PDE3A: variants seen among roughly 807,000 people sequenced by gnomAD.
PDE3A encodes phosphodiesterase 3A.
Under a neutral mutation model 98.3 loss-of-function variants are expected in PDE3A, and 43 were observed. That is an observed-to-expected ratio of 0.44 (90% CI 0.34 to 0.56). PDE3A has a LOEUF of 0.56. PDE3A is among the 20% of genes least tolerant of loss of function. The probability of loss-of-function intolerance (pLI) is 0.01; values close to 1 mark genes in which losing one functional copy is unlikely to be tolerated. For missense variants in PDE3A, 1,427 were observed against 1,440.7 expected (o/e 0.99, Z 0.15); for synonymous variants, 663 against 567.9 (o/e 1.17, Z -2.38).
chr12:20,611,338 A>G (rs565231673), intron 2 of PDE3A, among the ~76,000 whole-genome samples: 1 of 151,920 alleles, frequency 6.6e-6, no homozygotes, highest in Admixed American at 6.6e-5. Flanking sequence ...GCCTGTGATC[A>G]GAGAACATGG....
At chr12:20,486,922 C>T (rs914849373) in intron 1 of PDE3A, among the ~76,000 whole-genome samples, 1 of 152,214 alleles carries the variant, frequency 6.6e-6, no homozygotes, top group Non-Finnish European at 1.5e-5. Context: ...GCATGAGTCA[C>T]CACGCTTGGC....
intron 15 of PDE3A, among the ~76,000 whole-genome samples, chr12:20,664,030 G>A (rs1037695622): frequency 6.6e-6 from 1 of 152,026 alleles, no homozygotes; most frequent in Non-Finnish European, 1.5e-5. Context: ...GTTATAATGA[G>A]TTCTTATGAG....
chr12:20,409,172 C>T (rs957895028), intron 1 of PDE3A, among the ~76,000 whole-genome samples: 2 of 152,136 alleles, frequency 1.3e-5, no homozygotes, highest in African/African-American at 4.8e-5. Flanking sequence ...ACAGATGCAT[C>T]TGGAATCTGA....
At chr12:20,551,932 C>T in intron 1 of PDE3A, 1 of 1,613,248 alleles carries the variant, frequency 6.2e-7, no homozygotes, top group South Asian at 1.1e-5. Context: ...GTTCCGAGTC[C>T]AGGTCAGCGA....
chr12:20,398,009 T>C (rs1042064904), intron 1 of PDE3A, among the ~76,000 whole-genome samples: 3 of 151,970 alleles, frequency 2.0e-5, no homozygotes, highest in African/African-American at 7.2e-5. Flanking sequence ...AAAGAATCAG[T>C]AGTATTCATC....
chr12:20,669,270 A>C (rs970618517), intron 15 of PDE3A, among the ~76,000 whole-genome samples: 3 of 152,218 alleles, frequency 2.0e-5, no homozygotes, highest in Non-Finnish European at 4.4e-5. Context: ...GTTGGAAAAC[A>C]TGCTGCAGGA....
rs961821139 is a variant in PDE3A, at chr12:20,487,860, A to T, written c.961-68800A>T. Among the ~76,000 whole-genome samples the T allele has an allele frequency of 7.9e-5, 12 of 152,262 alleles. No individual in the cohort carries two copies. In the East Asian group the frequency reaches 2.3e-3, roughly 29 times the overall value. ...AATGCATGAGCTAGTCAGGGAACCT[A>T]CTAATTTGTCATGTTTTTTCTTTTT... On this transcript the variant is annotated intron_variant, in intron 1 of 15. Coordinates refer to ENST00000359062, the MANE Select transcript of PDE3A (RefSeq NM_000921.5).
At chr12:20,566,971 C>T (rs1335085714) in intron 2 of PDE3A, among the ~76,000 whole-genome samples, 2 of 151,866 alleles carry the variant, frequency 1.3e-5, no homozygotes, top group African/African-American at 4.8e-5. Flanking sequence ...ACAATTATTG[C>T]ATTTTCAGGC....
In PDE3A at chr12:20,503,841, G is replaced by A. The variant is rs1026720980; in HGVS notation, c.961-52819G>A. Among the ~76,000 whole-genome samples the A allele has an allele frequency of 4.6e-5, 7 of 152,072 alleles. No individual in the cohort carries two copies. In the South Asian group the frequency reaches 1.5e-3, roughly 32 times the overall value. On this transcript the variant is annotated intron_variant, in intron 1 of 15. Transcript: ENST00000359062. Reference sequence around the variant, plus strand: ...TTTAATGTGTCATCATTAAATTGTAGCTTTCAAATGTAACAGAATCTGTAA... The same window carrying A: ...TTTAATGTGTCATCATTAAATTGTAACTTTCAAATGTAACAGAATCTGTAA...
chr12:20,443,633 T>C (rs1339795853), intron 1 of PDE3A, among the ~76,000 whole-genome samples: 2 of 152,228 alleles, frequency 1.3e-5, no homozygotes, highest in Non-Finnish European at 2.9e-5. Context: ...TAGGTCCCTT[T>C]GCTTTCTTTT....
chr12:20,403,738 T>G (rs747964467), intron 1 of PDE3A, among the ~76,000 whole-genome samples: 8 of 152,120 alleles, frequency 5.3e-5, no homozygotes, highest in Non-Finnish European at 8.8e-5. Flanking sequence ...AATTTTTATT[T>G]CAGGGCTATT....
intron 1 of PDE3A, among the ~76,000 whole-genome samples, chr12:20,418,322 C>T (rs563792039): frequency 2.0e-5 from 3 of 152,236 alleles, no homozygotes; most frequent in African/African-American, 7.2e-5. Flanking sequence ...AATAGGTACT[C>T]AATAAAGGAA....
intron 1 of PDE3A, among the ~76,000 whole-genome samples, chr12:20,502,811 C>T (rs1299262320): frequency 6.6e-6 from 1 of 152,086 alleles, no homozygotes; most frequent in Non-Finnish European, 1.5e-5. Flanking sequence ...TGCTTAGGGA[C>T]ACTTCGGGAC....
At chr12:20,455,586 C>A (rs1189850067) in intron 1 of PDE3A, among the ~76,000 whole-genome samples, 1 of 152,104 alleles carries the variant, frequency 6.6e-6, no homozygotes, top group African/African-American at 2.4e-5. Context: ...TGAGAGCAAG[C>A]CCTCTTGTTT....
chr12:20,485,678 A>G (rs1469816336), intron 1 of PDE3A, among the ~76,000 whole-genome samples: 3 of 152,222 alleles, frequency 2.0e-5, no homozygotes, highest in South Asian at 2.1e-4. Flanking sequence ...GGATTCACCT[A>G]TCTACATTTA....
chr12:20,514,926 C>T (rs770235274), intron 1 of PDE3A, among the ~76,000 whole-genome samples: 12 of 152,130 alleles, frequency 7.9e-5, no homozygotes, highest in Non-Finnish European at 1.8e-4. Flanking sequence ...TTATAAAGAA[C>T]AGAAATTTAT....
chr12:20,545,749 AG>A (rs1213853962), intron 1 of PDE3A, among the ~76,000 whole-genome samples: 4 of 149,502 alleles, frequency 2.7e-5, no homozygotes, highest in African/African-American at 4.9e-5. Flanking sequence ...CCCTACCCCA[AG>A]AGTAAAGGGC....
chr12:20,588,405 C>T (rs1298236002), intron 2 of PDE3A, among the ~76,000 whole-genome samples: 1 of 152,112 alleles, frequency 6.6e-6, no homozygotes, highest in Non-Finnish European at 1.5e-5. Flanking sequence ...TCACTGTCAG[C>T]TTCAGAGGAC....
chr12:20,523,163 G>A (rs1447605530), intron 1 of PDE3A, among the ~76,000 whole-genome samples: 1 of 152,100 alleles, frequency 6.6e-6, no homozygotes, highest in East Asian at 1.9e-4. Context: ...TGAAATGGCA[G>A]CATCCTAGAC....
Sources: allele counts gnomAD v4.1 joint callset (sites outside exome capture counted in the v4.1 genomes callset), GRCh38; gene constraint gnomAD v4.1.1; transcripts MANE v1.5; gene names NCBI Gene and HGNC (gene_info 2026-07-23, HGNC 2026-07-21).